NEB: variants seen among roughly 807,000 people sequenced by gnomAD.
NEB encodes the protein nemaline myopathy type 2.
A neutral mutation model predicts 952.2 loss-of-function variants in NEB; 512 were observed. That is an observed-to-expected ratio of 0.54 (90% confidence interval 0.50 to 0.58). NEB has a LOEUF of 0.58. NEB is among the 20% of genes least tolerant of loss of function. NEB has a pLI of 0.00. For synonymous variants in NEB, 2,900 were observed against 3,149.8 expected (o/e 0.92, Z 2.66); for missense variants, 8,428 against 9,231.1 (o/e 0.91, Z 3.56).
Position 151,564,215 on chromosome 2 carries a change from C to T in NEB, c.18472-285G>A, listed in dbSNP as rs189207492. Among the ~76,000 whole-genome samples the T allele has an allele frequency of 2.3e-4, 35 of 152,028 alleles. 1 individual carries two copies. The East Asian group carries it at 6.4e-3, about 28-fold the overall frequency. On this transcript the variant is annotated intron_variant, in intron 117 of 181. Coordinates refer to ENST00000397345, the MANE Select transcript of NEB (RefSeq NM_001164508.2). ...CATCACCCAGGCTGGAGTGCAGTGC[C>T]GTGATCTAAGCTCACTGCAAACTCT... is the stretch of plus-strand genomic sequence containing the variant.
At chr2:151,627,491 G>A (rs1297611820) in intron 69 of NEB, 32 bp downstream of exon 69, 1 of 1,605,676 alleles carries the variant, frequency 6.2e-7, no homozygotes, top group Non-Finnish European at 8.5e-7. Flanking sequence ...TTACTATTAT[G>A]AGCACAGTTA....
intron 148 of NEB, among the ~76,000 whole-genome samples, chr2:151,526,704 A>G (rs539377777): frequency 1.3e-5 from 2 of 152,302 alleles, no homozygotes; most frequent in East Asian, 1.9e-4. Flanking sequence ...TGCAGTATAA[A>G]TCGAGGACTG....
At chr2:151,568,760 CAT>C (rs968350042) in intron 110 of NEB, 44 bp from the exon 111 acceptor site, 2 of 1,349,176 alleles carry the variant, frequency 1.5e-6, no homozygotes, top group Admixed American at 2.0e-5. Context: ...AATTCCTAGA[CAT>C]GTGTGAACTG....
chr2:151,604,469 A>G (rs2097610368), intron 85 of NEB, 91 bp downstream of exon 85: 1 of 168,768 alleles, frequency 5.9e-6, no homozygotes, highest in African/African-American at 6.7e-5. Flanking sequence ...GGTTCTATTA[A>G]GATTACCATT....
At chr2:151,717,555 A>C in intron 9 of NEB, 35 bp from the exon 10 acceptor site, 1 of 1,447,254 alleles carries the variant, frequency 6.9e-7, no homozygotes. Context: ...TATTTTAAAA[A>C]CGATTATGCT....
Position 151,562,637 on chromosome 2 carries a change from G to A in NEB, c.18865C>T (p.Arg6289Ter), listed in dbSNP as rs539819851. 3.8e-6 allele frequency: 6 copies of A among 1,580,872 alleles called. No individual in the cohort carries two copies. Among genetic ancestry groups the A allele is most frequent in the Admixed American group, 1.7e-5 (1 of 59,194 alleles). The change falls in exon 120 of 182, where the codon CGA becomes TGA. Residue 6289 changes from arginine (R) to a stop codon, truncating the protein, a stop_gained. Coordinates refer to ENST00000397345, the MANE Select transcript of NEB (RefSeq NM_001164508.2). LOFTEE classifies it high-confidence loss of function. ...LLEEPNVIRV[R>*]NAQEILSDNV... ...TCACTCAAGATCTCCTGGGCGTTTCGGACGCGTATAACATTGGGTTCTTCC... is the reference window on the plus strand; with the variant it reads ...TCACTCAAGATCTCCTGGGCGTTTCAGACGCGTATAACATTGGGTTCTTCC...
At chr2:151,663,881 T>C (rs778325993) in intron 44 of NEB, 22 bp from the exon 45 acceptor site, 26 of 1,596,508 alleles carry the variant, frequency 1.6e-5, no homozygotes, top group Middle Eastern at 3.3e-4. Context: ...GAAGAAATTA[T>C]GGTGATGAAA....
Position 151,512,735 on chromosome 2 carries a change from G to A in NEB, c.23344C>T (p.Gln7782Ter), listed in dbSNP as rs2153272667. The A allele has an allele frequency of 6.2e-7, 1 of 1,611,166 alleles. No homozygotes were observed. The highest frequency in any genetic ancestry group is 8.5e-7 in the Non-Finnish European group (1 of 1,177,444). The change falls in exon 161 of 182, where the codon CAG becomes TAG. Residue 7782 changes from glutamine (Q) to a stop codon, truncating the protein, a stop_gained and splice_region_variant. Transcript: ENST00000397345. LOFTEE classifies it high-confidence loss of function. ...GATGGCATGACGAATGTCCTTACCT[G>A]GCTTGAAAGATTCTTGACTTGTTGG... Reference protein sequence around the residue: ...HAQQVKNLSSQKKYKEDAEKS... With the variant: ...HAQQVKNLSS
intron 13 of NEB, among the ~76,000 whole-genome samples, chr2:151,706,671 A>G (rs1200031872): frequency 6.6e-6 from 1 of 152,182 alleles, no homozygotes; most frequent in Non-Finnish European, 1.5e-5. Flanking sequence ...TTCCCTGCCC[A>G]TTGAATTAAC....
At chr2:151,685,069 G>A in intron 27 of NEB, 94 bp from the exon 28 acceptor site, 1 of 1,295,680 alleles carries the variant, frequency 7.7e-7, no homozygotes, top group Non-Finnish European at 1.1e-6. Context: ...ACAAGTTAGA[G>A]AAAGAGTCAA....
intron 13 of NEB, among the ~76,000 whole-genome samples, chr2:151,699,797 C>T: frequency 6.7e-6 from 1 of 148,894 alleles, no homozygotes; most frequent in East Asian, 2.0e-4. Flanking sequence ...CGAAAATTTT[C>T]TCCCATTTTG....
At chr2:151,529,110 C>T in intron 146 of NEB, 100 bp downstream of exon 146, 1 of 786,252 alleles carries the variant, frequency 1.3e-6, no homozygotes, top group Non-Finnish European at 2.2e-6. Flanking sequence ...TGGAATCAAT[C>T]ACTAGAGCTG....
At chr2:151,633,617 T>A in intron 65 of NEB, 37 bp downstream of exon 65, 1 of 1,568,116 alleles carries the variant, frequency 6.4e-7, no homozygotes, top group Non-Finnish European at 8.7e-7. Context: ...TTTAAATTAT[T>A]TCTATGCACA....
intron 64 of NEB, among the ~76,000 whole-genome samples, chr2:151,635,417 G>C (rs2098738136): frequency 6.6e-6 from 1 of 152,078 alleles, no homozygotes; most frequent in South Asian, 2.1e-4. Context: ...TAAATGGCTA[G>C]GAGCTATTGC....
intron 38 of NEB, among the ~76,000 whole-genome samples, chr2:151,670,400 C>T (rs777048708): frequency 1.7e-4 from 26 of 152,026 alleles, no homozygotes; most frequent in African/African-American, 4.8e-4. Context: ...CATTGTAATT[C>T]GCTTCTGACA....
intron 10 of NEB, 136 bp downstream of exon 10, chr2:151,717,280 C>G: frequency 1.4e-6 from 1 of 704,554 alleles, no homozygotes. Flanking sequence ...GCTGTAGAGT[C>G]TTTGGGGATC....
chr2:151,670,922 ACATAGATG>A, intron 38 of NEB, 93 bp downstream of exon 38: 1 of 1,234,688 alleles, frequency 8.1e-7, no homozygotes, highest in Non-Finnish European at 1.2e-6. Context: ...TTATTTGCTA[ACATAGATG>A]CATCCTCACA....
At chr2:151,658,729 GCTGT>G (rs781171849) in intron 47 of NEB, among the ~76,000 whole-genome samples, 12 of 152,074 alleles carry the variant, frequency 7.9e-5, no homozygotes, top group Non-Finnish European at 1.3e-4. Context: ...TGATGGAAGG[GCTGT>G]CTAAGAACGA....
rs201962649 is a variant in NEB at position 151,569,293 on chromosome 2, T to C, written c.17510A>G (p.Lys5837Arg). Residue 5837 changes from lysine to arginine, a missense_variant, in exon 110 of 182, where the codon AAA becomes AGA. By Grantham distance (26) the Lys-to-Arg change is conservative (BLOSUM62 2). This residue lies in a region of NEB where 3,374 missense variants were observed against 3,651.5 expected (regional missense o/e 0.92). Coordinates refer to ENST00000397345, the MANE Select transcript of NEB (RefSeq NM_001164508.2). ...PNDSVSVNHA[K>R]HAADIFSEKK... ...CTCACTGAAGATGTCCGCGGCATGT[T>C]TGGCATGATTGACGGACACGGAGTC... 2.0e-4 allele frequency: 318 copies of C among 1,613,926 alleles called. 1 individual carries two copies. In the African/African-American group the frequency reaches 3.5e-3, roughly 18 times the overall value.
Sources: gnomAD v4.1 joint callset for allele counts (sites outside exome capture counted in the v4.1 genomes callset) on GRCh38, gnomAD v4.1.1 for gene constraint, gnomAD v4.1.1 regional missense constraint, MANE v1.5 for transcripts, NCBI Gene and HGNC (gene_info 2026-07-23, HGNC 2026-07-21) for gene names.